Variants in LYRM4 observed in about 807,000 individuals in gnomAD.
LYRM4 encodes the protein LYR motif containing 4.
LYRM4 carries 9 observed loss-of-function variants against 11.7 expected under a neutral mutation model. The observed-to-expected ratio is 0.77, with a 90% CI of 0.46 to 1.34. The LOEUF (loss-of-function observed/expected upper bound fraction) is 1.34. Ranked by LOEUF, LYRM4 falls within the 40% of genes most tolerant of loss-of-function variation. LYRM4 has a pLI of 0.00. For missense variants in LYRM4, 133 were observed against 112.5 expected (o/e 1.18, Z -0.82); for synonymous variants, 42 against 40.4 (o/e 1.04, Z -0.15).
downstream of LYRM4, among the ~76,000 whole-genome samples, chr6:5,101,024 A>G (rs449101): frequency 1.3e-5 from 2 of 151,668 alleles, no homozygotes; most frequent in African/African-American, 4.8e-5. Context: ...TGGTCTCCCT[A>G]CCCTCTCAGT....
intron 1 of LYRM4, among the ~76,000 whole-genome samples, chr6:5,230,502 T>TTA (rs1267055448): frequency 2.6e-5 from 4 of 152,228 alleles, no homozygotes; most frequent in Non-Finnish European, 5.9e-5. Flanking sequence ...TATTAGGAGT[T>TTA]AAATATTAGA....
chr6:5,055,422 G>C, the LYRM4 span, among the ~76,000 whole-genome samples: 6 of 152,218 alleles, frequency 3.9e-5, no homozygotes, highest in Non-Finnish European at 7.3e-5. The surrounding 1 kb of genome is among the most constrained non-coding windows in gnomAD (Gnocchi z 4.5). Flanking sequence ...AGAAATGGGA[G>C]TAAGAGTAGG....
chr6:5,091,712 A>G, the LYRM4 span, among the ~76,000 whole-genome samples: 1 of 152,234 alleles, frequency 6.6e-6, no homozygotes, highest in East Asian at 1.9e-4. Context: ...TTGGTACTAG[A>G]GGAATCAAAT....
intron 2 of LYRM4, among the ~76,000 whole-genome samples, chr6:5,167,743 A>G (rs1010749667): frequency 2.0e-5 from 3 of 152,202 alleles, no homozygotes; most frequent in Non-Finnish European, 4.4e-5. Context: ...TATTTGGGTT[A>G]TTAGTAGCTG....
intron 2 of LYRM4, among the ~76,000 whole-genome samples, chr6:5,163,759 A>C (rs1758907742): frequency 6.6e-6 from 1 of 151,642 alleles, no homozygotes; most frequent in African/African-American, 2.4e-5. Context: ...GGTTACAGGC[A>C]TGCACCACCA....
At chr6:5,056,673 G>GGTA in the LYRM4 span, among the ~76,000 whole-genome samples, 1 of 152,104 alleles carries the variant, frequency 6.6e-6, no homozygotes, top group Non-Finnish European at 1.5e-5. Flanking sequence ...TCAAGCTCAT[G>GGTA]GTACATACAA....
intron 1 of LYRM4, among the ~76,000 whole-genome samples, chr6:5,233,262 C>T (rs985965109): frequency 6.6e-6 from 1 of 152,172 alleles, no homozygotes; most frequent in African/African-American, 2.4e-5. Context: ...TTCTGCAAGC[C>T]GAAAGCAGGT....
chr6:5,130,320 T>TG (rs34380280), intron 2 of LYRM4, among the ~76,000 whole-genome samples: 46,007 of 152,066 alleles, frequency 0.3, 7,357 homozygotes, highest in South Asian at 0.39. Flanking sequence ...TGGCTGTCAC[T>TG]GCCTCCCAAG....
intron 2 of LYRM4, among the ~76,000 whole-genome samples, chr6:5,169,792 C>T (rs986031360): frequency 2.6e-5 from 4 of 152,176 alleles, no homozygotes; most frequent in African/African-American, 9.7e-5. Flanking sequence ...GATCACCTTG[C>T]ATTCTGTGTC....
chr6:5,134,480 T>C (rs1764096965), intron 2 of LYRM4, among the ~76,000 whole-genome samples: 1 of 152,244 alleles, frequency 6.6e-6, no homozygotes, highest in Non-Finnish European at 1.5e-5. Flanking sequence ...TTAAACACTT[T>C]GTATTTGATG....
intron 1 of LYRM4, among the ~76,000 whole-genome samples, chr6:5,259,963 G>A (rs984698318): frequency 1.3e-5 from 2 of 152,118 alleles, no homozygotes; most frequent in Non-Finnish European, 2.9e-5. Context: ...GGGGAGTGGG[G>A]AGGCGTGAGA....
chr6:5,165,544 TTTA>T (rs1489932316), intron 2 of LYRM4, among the ~76,000 whole-genome samples: 3 of 63,820 alleles, frequency 4.7e-5, no homozygotes, highest in Non-Finnish European at 1.3e-4. Flanking sequence ...TTTTCCTATT[TTTA>T]ATTTTTTTTT....
At chr6:5,229,802 A>G (rs958958954) in intron 1 of LYRM4, among the ~76,000 whole-genome samples, 1 of 152,244 alleles carries the variant, frequency 6.6e-6, no homozygotes, top group Non-Finnish European at 1.5e-5. Flanking sequence ...TAAAAAATCA[A>G]TAAAATAATG....
chr6:5,253,927 A>G (rs888647215), intron 1 of LYRM4, among the ~76,000 whole-genome samples: 2 of 152,172 alleles, frequency 1.3e-5, no homozygotes, highest in Non-Finnish European at 2.9e-5. Flanking sequence ...TGTGTGATGA[A>G]AAGTGGATTT....
At chr6:5,088,822 T>G in the LYRM4 span, 2 of 152,224 alleles carry the variant, frequency 1.3e-5, no homozygotes, top group African/African-American at 2.4e-5. Context: ...AAAGTGCGGT[T>G]ATCATTGTGT....
the LYRM4 span, among the ~76,000 whole-genome samples, chr6:5,077,703 T>C: frequency 1.3e-5 from 2 of 152,222 alleles, no homozygotes; most frequent in South Asian, 4.1e-4. Context: ...CTATATTCTA[T>C]TGGTCCCTTT....
chr6:5,214,014 G>C (rs1250492415), intron 2 of LYRM4, among the ~76,000 whole-genome samples: 1 of 152,264 alleles, frequency 6.6e-6, no homozygotes, highest in Non-Finnish European at 1.5e-5. Flanking sequence ...AGTAGGCTGA[G>C]TCAGGATGTG....
chr6:5,121,386 T>G (rs1181624105), intron 2 of LYRM4, among the ~76,000 whole-genome samples: 1 of 152,150 alleles, frequency 6.6e-6, no homozygotes, highest in African/African-American at 2.4e-5. Context: ...TCTAGACCAC[T>G]GCTCAGGGTG....
intron 2 of LYRM4, among the ~76,000 whole-genome samples, chr6:5,163,298 C>T (rs1295678110): frequency 1.3e-5 from 2 of 152,150 alleles, no homozygotes; most frequent in Non-Finnish European, 2.9e-5. Context: ...TGGCTAAATC[C>T]ATTTATTGAC....
Sources: allele counts gnomAD v4.1 joint callset (sites outside exome capture counted in the v4.1 genomes callset), GRCh38; gene constraint gnomAD v4.1.1; non-coding constraint Gnocchi (gnomAD v3.1); transcripts MANE v1.5; gene names NCBI Gene and HGNC (gene_info 2026-07-23, HGNC 2026-07-21).